Variants in KIF16B observed in about 807,000 individuals in gnomAD.
KIF16B encodes kinesin family member 16B.
Under a neutral mutation model 156.3 loss-of-function variants are expected in KIF16B, and 98 were observed. That is an observed-to-expected ratio of 0.63 (90% CI 0.53 to 0.74). The LOEUF is 0.74. Among genes scored for constraint, KIF16B ranks in the 30% least tolerant of loss-of-function variants. The probability of loss-of-function intolerance (pLI) is 0.00; values close to 1 mark genes in which losing one functional copy is unlikely to be tolerated. For synonymous variants in KIF16B, 564 were observed against 583.7 expected, an observed-to-expected ratio of 0.97 and a Z score of 0.49; for missense variants, 1,421 against 1,606.5, an observed-to-expected ratio of 0.88 and a Z score of 1.97.
At chr20:16,355,710 T>G (rs1255056986) in intron 23 of KIF16B, among the ~76,000 whole-genome samples, 1 of 152,214 alleles carries the variant, frequency 6.6e-6, no homozygotes, top group East Asian at 1.9e-4. Flanking sequence ...AGTCATTATT[T>G]AGAAAACCAT....
chr20:16,525,998 G>A (rs559651366), intron 3 of KIF16B, 94 bp downstream of exon 3: 20 of 682,684 alleles, frequency 2.9e-5, no homozygotes, highest in African/African-American at 2.2e-4. Context: ...CATTCAGAAA[G>A]AAATTGGCAA....
chr20:16,355,232 C>T (rs553788561), intron 23 of KIF16B, among the ~76,000 whole-genome samples: 100 of 152,264 alleles, frequency 6.6e-4, no homozygotes, highest in African/African-American at 2.4e-3. Context: ...TGGCTCTAGG[C>T]TCCTTCCTCC....
chr20:16,317,526 G>C (rs998221822), intron 24 of KIF16B, among the ~76,000 whole-genome samples: 1 of 152,186 alleles, frequency 6.6e-6, no homozygotes, highest in Admixed American at 6.5e-5. Context: ...TTTTTGGAGA[G>C]AGTCTCATGT....
rs2064146003 is a variant in KIF16B, at chr20:16,341,910, A to G, written c.3622-5895T>C. Among the ~76,000 whole-genome samples the G allele has an allele frequency of 5.3e-5, 8 of 152,342 alleles. No homozygotes were observed. In the South Asian group the frequency reaches 1.7e-3, roughly 32 times the overall value. On this transcript the variant is annotated intron_variant, in intron 23 of 25. Transcript: ENST00000354981. ...CCTAGGCAATCCCAGCTCTCAGTGA[A>G]CTAAAAATCTCACACCCCAGACAAC...
intron 17 of KIF16B, among the ~76,000 whole-genome samples, chr20:16,403,427 TCTC>T (rs962924620): frequency 1.3e-5 from 2 of 152,218 alleles, no homozygotes; most frequent in Non-Finnish European, 2.9e-5. Flanking sequence ...CTGAGAATGT[TCTC>T]CCATTTCAGA....
intron 15 of KIF16B, among the ~76,000 whole-genome samples, chr20:16,416,986 T>A (rs940572329): frequency 6.6e-6 from 1 of 152,100 alleles, no homozygotes. Context: ...AGAGGAGCTG[T>A]AGTCCCCCAA....
intron 15 of KIF16B, among the ~76,000 whole-genome samples, chr20:16,413,375 T>C (rs2066005856): frequency 6.6e-6 from 1 of 152,044 alleles, no homozygotes; most frequent in African/African-American, 2.4e-5. Context: ...TCTGCAAACG[T>C]TTCTAGTGAT....
At chr20:16,375,265 C>T (rs183344257) in intron 19 of KIF16B, among the ~76,000 whole-genome samples, 8 of 152,282 alleles carry the variant, frequency 5.3e-5, no homozygotes, top group African/African-American at 7.2e-5. Flanking sequence ...TATTTAAACA[C>T]GGGTCTCAAT....
At chr20:16,384,765 C>T (rs947574981) in intron 17 of KIF16B, among the ~76,000 whole-genome samples, 1 of 152,040 alleles carries the variant, frequency 6.6e-6, no homozygotes, top group Admixed American at 6.6e-5. Context: ...GGCTCAGAAC[C>T]CCATGCTCAT....
In KIF16B at chr20:16,379,539, A is replaced by G. The variant is rs1251924380; in HGVS notation, c.2463T>C (p.Ala821=). 5.6e-6 allele frequency: 9 copies of G among 1,614,004 alleles called. No homozygotes were observed. The highest frequency in any genetic ancestry group is 7.6e-6 in the Non-Finnish European group (9 of 1,180,046). ...TCTTGAATTCGAAGAAACGCAGTTG[A>G]GCCTTTTCTAACTCCTCGCCATCTT... ...GDEDGEELEK[A]QLRFFEFKRR... The change falls in exon 19 of 26, where the codon GCT becomes GCC. Residue 821 remains alanine, a synonymous_variant. Transcript: ENST00000354981.
chr20:16,371,718 C>T lies in KIF16B; in HGVS notation c.3394G>A (p.Asp1132Asn), dbSNP rs375035068. The change falls in exon 21 of 26, where the codon GAT becomes AAT. Residue 1132 changes from aspartate (D) to asparagine (N), a missense_variant. Transcript: ENST00000354981. ...CCTTCACTAATCACACGATGCAAAT[C>T]CTGAAGGCGTCTTTGGACTTCTTCT... ...IEEEVQRRLQ[D>N]LHRVISEGCS... The T allele has an allele frequency of 7.4e-6, 12 of 1,613,952 alleles. No homozygotes were observed. The Admixed American group carries it at 1.8e-4, about 25-fold the overall frequency.
chr20:16,460,245 T>C (rs1481882250), intron 12 of KIF16B, among the ~76,000 whole-genome samples: 2 of 152,120 alleles, frequency 1.3e-5, no homozygotes, highest in African/African-American at 2.4e-5. Flanking sequence ...GCTTGAGAAT[T>C]TGGATGAAAA....
intron 24 of KIF16B, among the ~76,000 whole-genome samples, chr20:16,335,702 T>A (rs1162411469): frequency 6.6e-6 from 1 of 152,176 alleles, no homozygotes; most frequent in African/African-American, 2.4e-5. Flanking sequence ...TTCAAAATCT[T>A]CTGTTAAGAA....
intron 1 of KIF16B, among the ~76,000 whole-genome samples, chr20:16,546,082 T>C (rs1009386170): frequency 6.6e-6 from 1 of 152,212 alleles, no homozygotes; most frequent in Non-Finnish European, 1.5e-5. Context: ...TTTTGGTTTC[T>C]TGTCACTTTT....
At chr20:16,375,308 T>C (rs1348392948) in intron 19 of KIF16B, among the ~76,000 whole-genome samples, 1 of 152,140 alleles carries the variant, frequency 6.6e-6, no homozygotes, top group East Asian at 1.9e-4. Flanking sequence ...CGTCAACTAA[T>C]CTCCCTCAAT....
At chr20:16,352,378 A>T (rs780759440) in intron 23 of KIF16B, among the ~76,000 whole-genome samples, 21 of 152,234 alleles carry the variant, frequency 1.4e-4, no homozygotes, top group Non-Finnish European at 2.8e-4. Context: ...GCCCCCAAAT[A>T]AAGCAGGTAT....
intron 3 of KIF16B, among the ~76,000 whole-genome samples, chr20:16,519,391 A>G (rs1350847097): frequency 6.6e-6 from 1 of 152,142 alleles, no homozygotes; most frequent in African/African-American, 2.4e-5. Flanking sequence ...TGGGACTACA[A>G]GTGCGCAACA....
At position 16,326,739 on chromosome 20, in the gene KIF16B, T is replaced by C. The variant is rs993747739; in HGVS notation, c.3711+9187A>G. Among the ~76,000 whole-genome samples the C allele has an allele frequency of 5.3e-5, 8 of 152,114 alleles. No individual in the cohort carries two copies. The East Asian group carries it at 1.4e-3, about 26-fold the overall frequency. On this transcript the variant is annotated intron_variant, in intron 24 of 25. Coordinates refer to ENST00000354981, the MANE Select transcript of KIF16B (RefSeq NM_024704.5). ...ACTTGCTGGTGGGAATGTAAACTAGTACAACCACTATAGAAAACAGTATGG... is the reference window on the plus strand; with the variant it reads ...ACTTGCTGGTGGGAATGTAAACTAGCACAACCACTATAGAAAACAGTATGG...
chr20:16,296,582 A>G (rs1244471715), intron 25 of KIF16B, among the ~76,000 whole-genome samples: 1 of 151,398 alleles, frequency 6.6e-6, no homozygotes, highest in African/African-American at 2.4e-5. Context: ...GCCAAGCCTC[A>G]AACACCTTGT....
Sources: allele counts gnomAD v4.1 joint callset (sites outside exome capture counted in the v4.1 genomes callset), GRCh38; gene constraint gnomAD v4.1.1; transcripts MANE v1.5; gene names NCBI Gene and HGNC (gene_info 2026-07-23, HGNC 2026-07-21).